The following TNRC6B variants were observed in gnomAD, a reference collection of about 807,000 sequenced individuals.
TNRC6B encodes trinucleotide repeat-containing gene 6B protein.
Under a neutral mutation model 203.6 loss-of-function variants are expected in TNRC6B, and 52 were observed. The ratio of observed to expected loss-of-function variants is 0.26; its 90% CI spans 0.20 to 0.32. The LOEUF (loss-of-function observed/expected upper bound fraction) is 0.32. Ranked by LOEUF, TNRC6B falls within the 10% of genes least tolerant of loss-of-function variation. The pLI, the probability that TNRC6B is intolerant of heterozygous loss-of-function variation, is 1.00. For missense variants in TNRC6B, 1,923 were observed against 2,286.2 expected, an observed-to-expected ratio of 0.84 and a Z score of 3.24; for synonymous variants, 838 against 845.7, an observed-to-expected ratio of 0.99 and a Z score of 0.16.
intron 2 of TNRC6B, among the ~76,000 whole-genome samples, chr22:40,123,840 G>A (rs931795338): frequency 2.6e-5 from 4 of 151,524 alleles, no homozygotes; most frequent in Non-Finnish European, 5.9e-5. Context: ...AATCTTTCTG[G>A]ATAAGTTATT....
intron 19 of TNRC6B, 70 bp from the exon 20 acceptor site, chr22:40,315,213 A>T (rs1012128086): frequency 2.4e-6 from 3 of 1,241,634 alleles, no homozygotes; most frequent in Non-Finnish European, 3.5e-6. Flanking sequence ...TGTAGATAAA[A>T]CTCATGTGTA....
At position 40,321,179 on chromosome 22, in the gene TNRC6B, C is replaced by T; in HGVS notation, c.5064C>T (p.Ile1688=). Residue 1688 remains isoleucine (I), a synonymous_variant, in exon 22 of 23, where the codon ATC becomes ATT. Transcript: ENST00000454349. ...ATCTAACCCAGGGCACTGCCCTGAT[C>T]CGATACAGCACCAAACAGGAGGCGG... The part of the protein sequence containing the change: ...HLNLTQGTAL[I]RYSTKQEAAK... 6.2e-7 allele frequency: 1 copy of T among 1,613,988 alleles called. No homozygotes were observed. The highest frequency in any genetic ancestry group is 8.5e-7 in the Non-Finnish European group (1 of 1,179,890).
intron 1 of TNRC6B, among the ~76,000 whole-genome samples, chr22:40,236,393 A>G (rs2069948023): frequency 6.6e-6 from 1 of 152,118 alleles, no homozygotes; most frequent in East Asian, 1.9e-4. Flanking sequence ...AATTCCATGG[A>G]GATTCATCCA....
chr22:40,120,542 T>C (rs2068434431), intron 2 of TNRC6B, among the ~76,000 whole-genome samples: 2 of 152,010 alleles, frequency 1.3e-5, no homozygotes, highest in South Asian at 4.1e-4. Context: ...AGTGAAAAGC[T>C]TAGGAAGTAA....
intron 1 of TNRC6B, among the ~76,000 whole-genome samples, chr22:40,236,735 C>T (rs2069952639): frequency 6.6e-6 from 1 of 152,160 alleles, no homozygotes; most frequent in Admixed American, 6.5e-5. Context: ...CCTTTCATTC[C>T]CATCAGCCTA....
At chr22:40,297,234 T>C (rs1404803203) in intron 12 of TNRC6B, among the ~76,000 whole-genome samples, 1 of 152,180 alleles carries the variant, frequency 6.6e-6, no homozygotes, top group Non-Finnish European at 1.5e-5. Context: ...AAAACAGTTG[T>C]GTGGATTAGT....
chr22:40,059,816 T>TG (rs923437589), intron 1 of TNRC6B, among the ~76,000 whole-genome samples: 3 of 109,892 alleles, frequency 2.7e-5, no homozygotes, highest in African/African-American at 1.9e-4. Flanking sequence ...TAGAGTTTGG[T>TG]TTTTTTTTTT....
In TNRC6B at chr22:40,156,756, T is replaced by G. The variant is rs936368202; in HGVS notation, c.113+574T>G. Among the ~76,000 whole-genome samples, 8 of 16,640 alleles carry G rather than the reference T, an allele frequency of 4.8e-4. No homozygotes were observed. The African/African-American group carries it at 0.019, about 39-fold the overall frequency. 10.9% of individuals were successfully genotyped at this position (16,640 alleles called of 152,430 possible). A position where few individuals can be genotyped will look rare whatever the true frequency, so the allele number is the denominator to read the frequency against. ...TAAGGGGTAATTGGTTTGTTGTTGG[T>G]TTTTTTTTTTTTTTTTTCTTGAGAC... On this transcript the variant is annotated intron_variant, in intron 4 of 23. Transcript: ENST00000301923.
At chr22:40,177,240 G>C (rs977586374), upstream of TNRC6B, among the ~76,000 whole-genome samples, 1 of 152,122 alleles carries the variant, frequency 6.6e-6, no homozygotes, top group Admixed American at 6.6e-5. Context: ...ACCTGCCCTA[G>C]CCCAGAGAAA....
chr22:40,244,556 G>C (rs1427784665), intron 1 of TNRC6B, among the ~76,000 whole-genome samples: 2 of 151,174 alleles, frequency 1.3e-5, no homozygotes, highest in African/African-American at 4.9e-5. Context: ...GTTTCAGTAT[G>C]TTAAACTAGA....
At chr22:40,307,985 C>G (rs757776895) in intron 15 of TNRC6B, among the ~76,000 whole-genome samples, 1 of 152,142 alleles carries the variant, frequency 6.6e-6, no homozygotes, top group African/African-American at 2.4e-5. Context: ...GTTAGCTAAC[C>G]ATTGGAGTCA....
chr22:40,240,367 A>G (rs948684471), intron 1 of TNRC6B, among the ~76,000 whole-genome samples: 1 of 151,898 alleles, frequency 6.6e-6, no homozygotes, highest in African/African-American at 2.4e-5. Context: ...GCAATATTAA[A>G]CCCCCAGCTC....
chr22:40,242,726 G>A (rs1362059247), intron 1 of TNRC6B, among the ~76,000 whole-genome samples: 4 of 151,772 alleles, frequency 2.6e-5, no homozygotes, highest in African/African-American at 7.3e-5. Context: ...CACCGCGCCC[G>A]TCCCTATTAT....
intron 1 of TNRC6B, among the ~76,000 whole-genome samples, chr22:40,101,045 T>A (rs1365925800): frequency 6.6e-6 from 1 of 151,230 alleles, no homozygotes; most frequent in African/African-American, 2.4e-5. Flanking sequence ...CAGGCTGGAG[T>A]GCAGTGGCAT....
intron 12 of TNRC6B, among the ~76,000 whole-genome samples, chr22:40,287,463 C>G (rs112731674): frequency 6.6e-6 from 1 of 152,154 alleles, no homozygotes; most frequent in Non-Finnish European, 1.5e-5. Flanking sequence ...CTTGCCTCCC[C>G]GTCATCACCA....
intron 1 of TNRC6B, among the ~76,000 whole-genome samples, chr22:40,183,700 T>G (rs1319790790): frequency 6.6e-6 from 1 of 152,096 alleles, no homozygotes; most frequent in African/African-American, 2.4e-5. Flanking sequence ...TAGGTTGTTT[T>G]TTTTTTTTTA....
intron 1 of TNRC6B, among the ~76,000 whole-genome samples, chr22:40,077,055 G>GGAAAA (rs1040137442): frequency 2.0e-5 from 3 of 147,206 alleles, no homozygotes; most frequent in Non-Finnish European, 4.5e-5. Flanking sequence ...GAAAGGAAAA[G>GGAAAA]GAAAAGAAAA....
rs1252220872 is a variant in TNRC6B, at chr22:40,262,186, G to A, written c.457+13G>A. On this transcript the variant is annotated intron_variant, in intron 4 of 22. Coordinates refer to ENST00000454349, the MANE Select transcript of TNRC6B (RefSeq NM_001162501.2). ...GGGACTGCGCCAGGTAAGGCACCCT[G>A]TGAATCGAATGCATGGCAGCTTGAC... The A allele has an allele frequency of 7.3e-7, 1 of 1,369,448 alleles. No homozygotes were observed. The highest frequency in any genetic ancestry group is 9.6e-7 in the Non-Finnish European group (1 of 1,045,732). The allele number at this position is 1,369,448 out of a possible 1,614,324, so 84.8% of individuals were successfully genotyped here. A position where few individuals can be genotyped will look rare whatever the true frequency, so the allele number is the denominator to read the frequency against.
At chr22:40,154,887 ATATATATACATATATATATATATT>A (rs1435540299) in intron 3 of TNRC6B, among the ~76,000 whole-genome samples, 8 of 47,452 alleles carry the variant, frequency 1.7e-4, no homozygotes, top group African/African-American at 1.1e-3. Flanking sequence ...ATATATATAT[ATATATATACATATATATATATATT>A]CTGCTTCAAT....
Sources: gnomAD v4.1 joint callset for allele counts (sites outside exome capture counted in the v4.1 genomes callset) on GRCh38, gnomAD v4.1.1 for gene constraint, MANE v1.5 for transcripts, NCBI Gene and HGNC (gene_info 2026-07-23, HGNC 2026-07-21) for gene names.